The following NSD1 variants were observed in gnomAD, a reference collection of about 807,000 sequenced individuals.
NSD1 encodes nuclear receptor binding SET domain protein 1.
Under a neutral mutation model 242.7 loss-of-function variants are expected in NSD1, and 26 were observed. That is an observed-to-expected ratio of 0.11 (90% CI 0.08 to 0.15). The LOEUF is 0.15. Ranked by LOEUF, NSD1 falls within the 10% of genes least tolerant of loss-of-function variation. NSD1 has a pLI of 1.00. For missense variants in NSD1, 2,495 were observed against 3,272.8 expected, an observed-to-expected ratio of 0.76 and a Z score of 5.80; for synonymous variants, 1,106 against 1,178.1, an observed-to-expected ratio of 0.94 and a Z score of 1.25.
intron 12 of NSD1, among the ~76,000 whole-genome samples, chr5:177,253,694 A>G (rs1477262256): frequency 6.6e-6 from 1 of 151,274 alleles, no homozygotes; most frequent in Non-Finnish European, 1.5e-5. Context: ...GTACAGTGAT[A>G]TGATTCTGGC....
chr5:177,265,046 A>G (rs573179216), intron 14 of NSD1: 17 of 761,254 alleles, frequency 2.2e-5, no homozygotes, highest in Admixed American at 1.9e-4. Context: ...TATTGAGCAC[A>G]TTAAGCACTC....
rs573536540 is a variant in NSD1, at chr5:177,204,126, A to G, written c.1070A>G (p.Asn357Ser). Residue 357 changes from asparagine to serine, a missense_variant, in exon 4 of 23, where the codon AAC (asparagine) becomes AGC (serine). Physicochemically the swap from Asn to Ser is conservative, Grantham distance 46. Around this residue, in one of 19 missense-constraint regions of NSD1, gnomAD observed 65 missense variants for 136.2 expected, o/e 0.48. Coordinates refer to ENST00000439151, the MANE Select transcript of NSD1 (RefSeq NM_022455.5). ...INTHSKMKVSNRRPYRQYYVE... is the reference protein window; with the variant it reads ...INTHSKMKVSSRRPYRQYYVE... ...TTCTCTTACCCTTACCTAGTTTCCAACCGGAGGCCCTATCGGCAGTACTAC... is the reference window on the plus strand; with the variant it reads ...TTCTCTTACCCTTACCTAGTTTCCAGCCGGAGGCCCTATCGGCAGTACTAC... 2.5e-6 allele frequency: 4 copies of G among 1,613,878 alleles called. No homozygotes were observed. Among genetic ancestry groups the G allele is most frequent in the East Asian group, 2.2e-5 (1 of 44,866 alleles).
At chr5:177,240,015 A>G (rs1562246692) in intron 8 of NSD1, 150 bp downstream of exon 8, 2 of 608,184 alleles carry the variant, frequency 3.3e-6, no homozygotes, top group Non-Finnish European at 3.0e-6. Context: ...GAGATTTCCT[A>G]CATGAAAGGC....
At chr5:177,196,172 G>A (rs1762090309) in intron 3 of NSD1, among the ~76,000 whole-genome samples, 3 of 152,186 alleles carry the variant, frequency 2.0e-5, no homozygotes, top group Admixed American at 2.0e-4. Context: ...AGGGAGGGTG[G>A]CACAGTATGA....
chr5:177,140,900 C>T (rs1756754466), intron 2 of NSD1, among the ~76,000 whole-genome samples: 1 of 152,146 alleles, frequency 6.6e-6, no homozygotes, highest in Non-Finnish European at 1.5e-5. Flanking sequence ...CCTTCCTCTT[C>T]TCTACCCATC....
rs1298016102 is a variant in NSD1 at position 177,134,240 on chromosome 5, C to T, written c.-18+288C>T. 6.6e-6 allele frequency: 1 copy of T among 151,946 alleles called. No individual in the cohort carries two copies. Among genetic ancestry groups the T allele is most frequent in the Admixed American group, 6.5e-5 (1 of 15,270 alleles). The allele number at this position is 151,946 out of a possible 1,614,324, so 9.4% of individuals were successfully genotyped here. On this transcript the variant is annotated intron_variant, in intron 1 of 22. Transcript: ENST00000439151. This position sits in a 1 kb window ranked among gnomAD's most constrained non-coding sequence, Gnocchi z 4.2. Reference sequence around the variant, plus strand: ...TGCGAACACCTCGGCCTCCGCCTCCCCTCAGGTAGCAGGCTGCGGGGCGCG... The same window carrying T: ...TGCGAACACCTCGGCCTCCGCCTCCTCTCAGGTAGCAGGCTGCGGGGCGCG...
At chr5:177,147,254 T>C (rs112900586) in intron 2 of NSD1, among the ~76,000 whole-genome samples, 4,573 of 152,090 alleles carry the variant, frequency 0.03, 129 homozygotes, top group South Asian at 0.07. Flanking sequence ...TACAGGCACT[T>C]GCCACCATGC....
intron 17 of NSD1, among the ~76,000 whole-genome samples, chr5:177,275,889 T>A (rs981654184): frequency 3.9e-5 from 6 of 152,236 alleles, no homozygotes; most frequent in African/African-American, 1.4e-4. Context: ...TCTGATGGAC[T>A]TACATGGTAT....
chr5:177,237,754 T>G (rs1765568320), intron 6 of NSD1, among the ~76,000 whole-genome samples: 1 of 151,956 alleles, frequency 6.6e-6, no homozygotes, highest in Non-Finnish European at 1.5e-5. Flanking sequence ...AGGATGGTCT[T>G]GATCTCCTGA....
rs879725756 is a variant in NSD1, at chr5:177,144,384, T to G, written c.927+8354T>G. ...CCACTGCATTTGGCTAAGTTTTTGT[T>G]TTTTTTTTTCTCTATTTTTCCAAAC... On this transcript the variant is annotated intron_variant, in intron 2 of 22. Transcript: ENST00000439151. 3.9e-3 allele frequency among the ~76,000 whole-genome samples: 44 copies of G among 11,252 alleles called. No homozygotes were observed. The East Asian group carries it at 0.4, about 102-fold the overall frequency. 7.4% of individuals were successfully genotyped at this position (11,252 alleles called of 152,430 possible).
At chr5:177,167,729 G>GT (rs1013692707) in intron 2 of NSD1, among the ~76,000 whole-genome samples, 24 of 152,190 alleles carry the variant, frequency 1.6e-4, no homozygotes, top group Non-Finnish European at 3.2e-4. Flanking sequence ...GTTTTACTTA[G>GT]AGTTTTTGAA....
chr5:177,239,622 C>A, intron 7 of NSD1, 134 bp from the exon 8 acceptor site: 3 of 616,128 alleles, frequency 4.9e-6, no homozygotes, highest in Non-Finnish European at 5.8e-6. Context: ...AAATTACCAT[C>A]CTGCCTCTTC....
chr5:177,284,427 G>T (rs1445872048), intron 20 of NSD1, among the ~76,000 whole-genome samples: 1 of 151,982 alleles, frequency 6.6e-6, no homozygotes, highest in Non-Finnish European at 1.5e-5. Context: ...ATAGGCACAT[G>T]TCCCCATTCC....
At chr5:177,158,261 C>CTTTCTTTCTTTT (rs1758316771) in intron 2 of NSD1, among the ~76,000 whole-genome samples, 1 of 93,650 alleles carries the variant, frequency 1.1e-5, no homozygotes, top group Non-Finnish European at 1.9e-5. Flanking sequence ...TTCTTTCTTT[C>CTTTCTTTCTTTT]TTTCTTTCTT....
intron 17 of NSD1, among the ~76,000 whole-genome samples, chr5:177,274,073 G>GA (rs1016442239): frequency 1.3e-5 from 2 of 152,118 alleles, no homozygotes; most frequent in Non-Finnish European, 2.9e-5. Context: ...AGAATTGCTT[G>GA]AACCCGGGAG....
rs1045667176 is a variant in NSD1 at position 177,296,210 on chromosome 5, G to A, written c.*751G>A. On this transcript the variant is annotated 3_prime_UTR_variant, in exon 23 of 23. Coordinates refer to ENST00000439151, the MANE Select transcript of NSD1 (RefSeq NM_022455.5). ...CAGCAAGGCTGTTGGCTGTGGGGTC[G>A]CCGCTGCTGCTTTTGTCTGGGCTGT... The A allele has an allele frequency of 1.3e-5, 3 of 235,958 alleles. No individual in the cohort carries two copies. Among genetic ancestry groups the A allele is most frequent in the African/African-American group, 4.4e-5 (2 of 45,362 alleles). 14.6% of individuals were successfully genotyped at this position (235,958 alleles called of 1,614,324 possible). A position where few individuals can be genotyped will look rare whatever the true frequency, so the allele number is the denominator to read the frequency against.
intron 2 of NSD1, among the ~76,000 whole-genome samples, chr5:177,163,014 T>C (rs1180279707): frequency 1.3e-5 from 2 of 152,060 alleles, no homozygotes; most frequent in Admixed American, 1.3e-4. Context: ...GGTCTCCCTG[T>C]GTTGCCCAGG....
At chr5:177,265,928 A>G in intron 14 of NSD1, 3 of 1,384,402 alleles carry the variant, frequency 2.2e-6, no homozygotes, top group African/African-American at 1.4e-5. Context: ...GTAGATGTCT[A>G]CCTCCTTTAT....
At position 177,235,815 on chromosome 5, in the gene NSD1, T is replaced by C; in HGVS notation, c.3797-6T>C. ...ATTAATGTTGAATTTGTTTATCATC[T>C]TTTAGCTGTGCGGTCAGAGAAGAAA... is the stretch of plus-strand genomic sequence containing the variant. On this transcript the variant is annotated splice_polypyrimidine_tract_variant and splice_region_variant and intron_variant, in intron 5 of 22. Transcript: ENST00000439151. The C allele has an allele frequency of 6.2e-7, 1 of 1,613,984 alleles. No individual in the cohort carries two copies. Among genetic ancestry groups the C allele is most frequent in the Non-Finnish European group, 8.5e-7 (1 of 1,179,894 alleles).
Sources: allele counts gnomAD v4.1 joint callset (sites outside exome capture counted in the v4.1 genomes callset), GRCh38; gene constraint gnomAD v4.1.1; regional missense constraint gnomAD v4.1.1; non-coding constraint Gnocchi (gnomAD v3.1); transcripts MANE v1.5; gene names NCBI Gene and HGNC (gene_info 2026-07-23, HGNC 2026-07-21).